Variants in AFTPH observed in about 807,000 individuals in gnomAD.
AFTPH encodes aftiphilin.
Under a neutral mutation model 72.5 loss-of-function variants are expected in AFTPH, and 7 were observed. The observed-to-expected ratio is 0.10, with a 90% CI of 0.05 to 0.18. AFTPH has a LOEUF of 0.18. Among genes scored for constraint, AFTPH ranks in the 10% least tolerant of loss-of-function variants. AFTPH has a pLI of 1.00. For missense variants in AFTPH, 979 were observed against 1,060.5 expected (o/e 0.92, Z 1.07); for synonymous variants, 337 against 370.1 (o/e 0.91, Z 1.03).
At chr2:64,574,293 T>C (rs940889486) in intron 6 of AFTPH, among the ~76,000 whole-genome samples, 2 of 152,208 alleles carry the variant, frequency 1.3e-5, no homozygotes, top group African/African-American at 2.4e-5. Flanking sequence ...GTGTTCCCAT[T>C]GAACATTAAT....
Position 64,547,319 on chromosome 2 carries a change from GCTGT to G in AFTPH, c.-32-4121_-32-4118del, listed in dbSNP as rs1670709134. On this transcript the variant is annotated intron_variant, in intron 1 of 8. Transcript: ENST00000238856. ...AGATTACAGGCCAGTAATTTTGTAG[GCTGT>G]CTCTCAGTTTGAATTTCCCTGAAAT... is the stretch of plus-strand genomic sequence containing the variant. Among the ~76,000 whole-genome samples, 6 of 152,248 alleles carry G rather than the reference GCTGT, an allele frequency of 3.9e-5. No individual in the cohort carries two copies. The South Asian group carries it at 1.0e-3, about 26-fold the overall frequency.
intron 1 of AFTPH, among the ~76,000 whole-genome samples, chr2:64,538,893 C>T (rs999887391): frequency 1.3e-5 from 2 of 152,096 alleles, no homozygotes; most frequent in Non-Finnish European, 2.9e-5. Context: ...GTGAGTTGCT[C>T]TCATGGTGGG....
intron 1 of AFTPH, among the ~76,000 whole-genome samples, chr2:64,525,904 G>A (rs1243154785): frequency 6.6e-6 from 1 of 152,180 alleles, no homozygotes; most frequent in East Asian, 1.9e-4. Context: ...CAGATCTTGT[G>A]TAAAACATCT....
intron 1 of AFTPH, among the ~76,000 whole-genome samples, chr2:64,531,061 C>CAAAAAAAAAAAA (rs370897333): frequency 1.4e-5 from 1 of 71,500 alleles, no homozygotes; most frequent in Non-Finnish European, 2.9e-5. Flanking sequence ...GACTTCATCT[C>CAAAAAAAAAAAA]AAAAAAAAAA....
chr2:64,590,889 A>C (rs1390346870), intron 8 of AFTPH, among the ~76,000 whole-genome samples: 1 of 152,206 alleles, frequency 6.6e-6, no homozygotes, highest in African/African-American at 2.4e-5. Context: ...ACCCCATCCA[A>C]GGAAAAAGGA....
At chr2:64,558,958 G>A (rs758615863) in intron 2 of AFTPH, among the ~76,000 whole-genome samples, 7 of 152,070 alleles carry the variant, frequency 4.6e-5, no homozygotes, top group Non-Finnish European at 1.0e-4. Flanking sequence ...AAGGAAACTG[G>A]CATACCCAGA....
exon 2 of AFTPH, chr2:64,551,638 C>T: frequency 6.2e-7 from 1 of 1,613,930 alleles, no homozygotes; most frequent in Middle Eastern, 1.6e-4. Context: ...TATACTCGTC[C>T]CAAGGAAGAG....
chr2:64,573,040 T>G (rs1257192798), exon 6 of AFTPH: 2 of 1,614,158 alleles, frequency 1.2e-6, no homozygotes, highest in Admixed American at 1.7e-5. Flanking sequence ...TCACCAGATA[T>G]GAACACATGT....
intron 2 of AFTPH, among the ~76,000 whole-genome samples, chr2:64,562,914 C>T (rs141439861): frequency 7.2e-5 from 11 of 152,312 alleles, no homozygotes; most frequent in African/African-American, 2.6e-4. Flanking sequence ...GTCACTTCAC[C>T]AATTCTAAAT....
At chr2:64,567,920 TA>T (rs1672183117) in intron 3 of AFTPH, among the ~76,000 whole-genome samples, 1 of 152,100 alleles carries the variant, frequency 6.6e-6, no homozygotes, top group South Asian at 2.1e-4. Context: ...CACATGCCTG[TA>T]ATCCCAGCTA....
chr2:64,589,863 AG>A (rs1443523123), intron 8 of AFTPH, among the ~76,000 whole-genome samples: 2 of 151,228 alleles, frequency 1.3e-5, no homozygotes, highest in African/African-American at 4.9e-5. Flanking sequence ...TAAAAATGAA[AG>A]TATCACATTC....
chr2:64,583,815 C>T (rs548683207), intron 7 of AFTPH, among the ~76,000 whole-genome samples: 1 of 152,224 alleles, frequency 6.6e-6, no homozygotes, highest in Admixed American at 6.5e-5. Context: ...TAGCCTTCCT[C>T]CCTTGTTAGA....
intron 5 of AFTPH, among the ~76,000 whole-genome samples, chr2:64,570,777 T>C (rs975986365): frequency 2.0e-5 from 3 of 152,228 alleles, no homozygotes; most frequent in Admixed American, 2.0e-4. Context: ...TTAATGCTTA[T>C]GCGTAGCCTC....
chr2:64,570,917 C>CG (rs1256616032), intron 5 of AFTPH, among the ~76,000 whole-genome samples: 5 of 23,422 alleles, frequency 2.1e-4, no homozygotes, highest in Non-Finnish European at 3.3e-4. Flanking sequence ...TCCTCCCCTC[C>CG]CCCCCCCCCC....
At chr2:64,527,683 G>A (rs1380013265) in intron 1 of AFTPH, among the ~76,000 whole-genome samples, 1 of 152,110 alleles carries the variant, frequency 6.6e-6, no homozygotes, top group Non-Finnish European at 1.5e-5. Context: ...GGACAGGAAA[G>A]GAGTTAGTAT....
intron 1 of AFTPH, among the ~76,000 whole-genome samples, chr2:64,550,598 T>G (rs75450792): frequency 0.051 from 7,795 of 151,868 alleles, 474 homozygotes; most frequent in African/African-American, 0.14. Context: ...TTTTTTTGTG[T>G]TGATAGAACA....
intron 2 of AFTPH, among the ~76,000 whole-genome samples, chr2:64,555,949 A>G (rs1170860930): frequency 6.7e-6 from 1 of 148,392 alleles, no homozygotes; most frequent in Non-Finnish European, 1.5e-5. Context: ...TGTTTTCCCT[A>G]GTTGCTCCGG....
At chr2:64,538,348 A>G (rs1330800128) in intron 1 of AFTPH, among the ~76,000 whole-genome samples, 2 of 152,218 alleles carry the variant, frequency 1.3e-5, no homozygotes, top group Admixed American at 6.5e-5. Flanking sequence ...CATCATTAAA[A>G]AAGGTCAACC....
At chr2:64,582,267 T>C (rs779424820) in intron 7 of AFTPH, among the ~76,000 whole-genome samples, 1 of 152,280 alleles carries the variant, frequency 6.6e-6, no homozygotes, top group South Asian at 2.1e-4. Context: ...TAGATAGTGC[T>C]ACCACCCACT....
Sources: allele counts gnomAD v4.1 joint callset (sites outside exome capture counted in the v4.1 genomes callset), GRCh38; gene constraint gnomAD v4.1.1; transcripts MANE v1.5; gene names NCBI Gene and HGNC (gene_info 2026-07-23, HGNC 2026-07-21).